The following SEMA5A variants were observed in gnomAD, a reference collection of about 807,000 sequenced individuals.
The protein encoded by SEMA5A is semaphorin-5A.
Under a neutral mutation model 135.5 loss-of-function variants are expected in SEMA5A, and 55 were observed. That is an observed-to-expected ratio of 0.41 (90% CI 0.33 to 0.51). The LOEUF (loss-of-function observed/expected upper bound fraction) is 0.51. Ranked by LOEUF, SEMA5A falls within the 20% of genes least tolerant of loss-of-function variation. The probability of loss-of-function intolerance (pLI) is 0.37; values close to 1 mark genes in which losing one functional copy is unlikely to be tolerated. For synonymous variants in SEMA5A, 580 were observed against 546.5 expected (o/e 1.06, Z -0.85); for missense variants, 1,290 against 1,419.9 (o/e 0.91, Z 1.47).
Position 9,088,659 on chromosome 5 carries a change from T to TATATATATACACAC in SEMA5A, c.2073+19480_2073+19481insGTGTGTATATATAT. ...TATAATATATATATATATATATATA[T>TATATATATACACAC]ACACACACACACTCATGGAATTCCA... On this transcript the variant is annotated intron_variant, in intron 16 of 22. Coordinates refer to ENST00000382496, the MANE Select transcript of SEMA5A (RefSeq NM_003966.3). Among the ~76,000 whole-genome samples, 134 of 112,858 alleles carry TATATATATACACAC rather than the reference T, an allele frequency of 1.2e-3. 2 individuals are homozygous for TATATATATACACAC. The highest frequency in any genetic ancestry group is 1.7e-3 in the Non-Finnish European group (99 of 57,248). 74.0% of individuals were successfully genotyped at this position (112,858 alleles called of 152,430 possible). A position where few individuals can be genotyped will look rare whatever the true frequency, so the allele number is the denominator to read the frequency against.
At chr5:9,365,480 T>A (rs1754876538) in intron 3 of SEMA5A, among the ~76,000 whole-genome samples, 1 of 152,124 alleles carries the variant, frequency 6.6e-6, no homozygotes, top group African/African-American at 2.4e-5. Context: ...ATTGCTTGAT[T>A]TTTTTGCATT....
intron 2 of SEMA5A, among the ~76,000 whole-genome samples, chr5:9,430,240 A>G (rs1468906970): frequency 6.6e-6 from 1 of 152,210 alleles, no homozygotes; most frequent in Non-Finnish European, 1.5e-5. Context: ...ACTCTACAGA[A>G]GGACATGGCT....
chr5:9,339,050 A>G (rs1287682579), intron 3 of SEMA5A, among the ~76,000 whole-genome samples: 1 of 152,168 alleles, frequency 6.6e-6, no homozygotes, highest in Admixed American at 6.6e-5. Flanking sequence ...TGATAGCTTG[A>G]TTTTTTTAAG....
At chr5:9,455,105 A>T (rs906267698) in intron 1 of SEMA5A, among the ~76,000 whole-genome samples, 26 of 152,158 alleles carry the variant, frequency 1.7e-4, no homozygotes, top group African/African-American at 6.0e-4. Flanking sequence ...AGGTACCAGA[A>T]TTTTCATTCC....
chr5:9,299,247 G>C (rs568959885), intron 5 of SEMA5A, among the ~76,000 whole-genome samples: 1 of 152,126 alleles, frequency 6.6e-6, no homozygotes, highest in African/African-American at 2.4e-5. Context: ...TTAGAACTGC[G>C]GGTAAGAGAG....
At chr5:9,406,537 T>A (rs1756894528) in intron 2 of SEMA5A, among the ~76,000 whole-genome samples, 1 of 152,214 alleles carries the variant, frequency 6.6e-6, no homozygotes, top group Non-Finnish European at 1.5e-5. Context: ...ATATTTTGAT[T>A]TGTATAAATG....
Position 9,391,691 on chromosome 5 carries a change from C to A in SEMA5A, c.-77-11668G>T, listed in dbSNP as rs116854158. 2.3e-3 allele frequency among the ~76,000 whole-genome samples: 343 copies of A among 152,304 alleles called. 7 individuals are homozygous for A. In the East Asian group the frequency reaches 0.034, roughly 15 times the overall value. ...CTGCAATCCCACCTCAAGCACCTTC[C>A]TCTCTCACCTGGATTTAGCAGAAGC... On this transcript the variant is annotated intron_variant, in intron 2 of 22. Transcript: ENST00000382496.
intron 4 of SEMA5A, among the ~76,000 whole-genome samples, chr5:9,331,886 A>C: frequency 6.7e-6 from 1 of 148,880 alleles, no homozygotes; most frequent in East Asian, 1.9e-4. Context: ...TTAGCCAAAC[A>C]AATGGTTCAA....
At chr5:9,477,010 G>T (rs892393620) in intron 1 of SEMA5A, among the ~76,000 whole-genome samples, 2 of 152,134 alleles carry the variant, frequency 1.3e-5, no homozygotes, top group Non-Finnish European at 2.9e-5. Flanking sequence ...CATATATCAA[G>T]GGAGGGAGGA....
rs1204068175 is a variant in SEMA5A, at chr5:9,204,914, T to C, written c.647-2674A>G. Among the ~76,000 whole-genome samples the C allele has an allele frequency of 6.6e-6, 1 of 152,164 alleles. No individual in the cohort carries two copies. Among genetic ancestry groups the C allele is most frequent in the Non-Finnish European group, 1.5e-5 (1 of 68,024 alleles). On this transcript the variant is annotated intron_variant, in intron 8 of 22. Transcript: ENST00000382496. The surrounding 1 kb of genome is among the most constrained non-coding windows in gnomAD (Gnocchi z 6.4). The stretch of plus-strand genomic sequence containing the variant: ...CTGTGCATGTGAGGGATCTAAGTTG[T>C]ACACATCTTATGAGAATCTAATGCC...
chr5:9,277,816 C>T (rs371872853), intron 5 of SEMA5A, among the ~76,000 whole-genome samples: 6 of 151,420 alleles, frequency 4.0e-5, no homozygotes, highest in East Asian at 2.0e-4. Context: ...CAGGGGGGTG[C>T]GGGGCTAGGG....
At chr5:9,539,898 C>T (rs1464305129) in intron 1 of SEMA5A, among the ~76,000 whole-genome samples, 1 of 152,160 alleles carries the variant, frequency 6.6e-6, no homozygotes, top group Non-Finnish European at 1.5e-5. Flanking sequence ...TATGCAGTCC[C>T]TCTCCCAACC....
At chr5:9,339,384 A>G (rs1283336192) in intron 3 of SEMA5A, among the ~76,000 whole-genome samples, 2 of 152,198 alleles carry the variant, frequency 1.3e-5, no homozygotes, top group Admixed American at 1.3e-4. Flanking sequence ...ATGGGAGGCC[A>G]TGGTGCCCCC....
intron 17 of SEMA5A, among the ~76,000 whole-genome samples, chr5:9,064,810 G>T (rs1737376641): frequency 6.6e-6 from 1 of 152,122 alleles, no homozygotes; most frequent in South Asian, 2.1e-4. Context: ...TCCTGAAAAG[G>T]ATTCATGGGA....
intron 19 of SEMA5A, among the ~76,000 whole-genome samples, chr5:9,053,172 T>C (rs548621526): frequency 7.2e-5 from 11 of 152,298 alleles, no homozygotes; most frequent in African/African-American, 2.6e-4. Context: ...TTCATGTCAG[T>C]AAACCAAGCT....
chr5:9,508,137 T>TA (rs967202580), intron 1 of SEMA5A, among the ~76,000 whole-genome samples: 1 of 152,124 alleles, frequency 6.6e-6, no homozygotes, highest in African/African-American at 2.4e-5. Flanking sequence ...AGTCTGAAGA[T>TA]ACAAAGCTTC....
In SEMA5A at chr5:9,359,095, A is replaced by G. The variant is rs145503576; in HGVS notation, c.124+20728T>C. 3.8e-4 allele frequency among the ~76,000 whole-genome samples: 58 copies of G among 152,200 alleles called. No homozygotes were observed. In the East Asian group the frequency reaches 0.01, roughly 27 times the overall value. On this transcript the variant is annotated intron_variant, in intron 3 of 22. Transcript: ENST00000382496. ...CTCAGCAGCAGCACCCAAACCAGAC[A>G]CATACACACTCACGGACACACACAC... is the stretch of plus-strand genomic sequence containing the variant.
At chr5:9,239,268 G>T (rs1579687294) in intron 5 of SEMA5A, among the ~76,000 whole-genome samples, 2 of 152,124 alleles carry the variant, frequency 1.3e-5, no homozygotes, top group East Asian at 3.9e-4. Flanking sequence ...CATCTGATAA[G>T]AGAATTTGTT....
At chr5:9,203,168 A>G (rs560232113) in intron 8 of SEMA5A, among the ~76,000 whole-genome samples, 2 of 152,320 alleles carry the variant, frequency 1.3e-5, no homozygotes, top group Admixed American at 6.5e-5. Flanking sequence ...ATTTGCTTTT[A>G]AAACTCTAAT....
Sources: allele counts gnomAD v4.1 joint callset (sites outside exome capture counted in the v4.1 genomes callset), GRCh38; gene constraint gnomAD v4.1.1; non-coding constraint Gnocchi (gnomAD v3.1); transcripts MANE v1.5; gene names NCBI Gene and HGNC (gene_info 2026-07-23, HGNC 2026-07-21).